Variants in SULF2 observed in about 807,000 individuals in gnomAD.
SULF2 encodes the protein extracellular sulfatase Sulf-2.
Under a neutral mutation model 107.7 loss-of-function variants are expected in SULF2, and 52 were observed. That is an observed-to-expected ratio of 0.48 (90% CI 0.39 to 0.61). The LOEUF is 0.61. Ranked by LOEUF, SULF2 falls within the 20% of genes least tolerant of loss-of-function variation. The pLI, the probability that SULF2 is intolerant of heterozygous loss-of-function variation, is 0.00. For synonymous variants in SULF2, 460 were observed against 464.3 expected, an observed-to-expected ratio of 0.99 and a Z score of 0.12; for missense variants, 993 against 1,177.3, an observed-to-expected ratio of 0.84 and a Z score of 2.29.
intron 2 of SULF2, among the ~76,000 whole-genome samples, chr20:47,755,723 C>T (rs749171486): frequency 1.1e-4 from 17 of 152,254 alleles, no homozygotes; most frequent in Middle Eastern, 3.4e-3. Context: ...GCTGGGGGAT[C>T]CTGTTAGAAC....
chr20:47,723,094 ATTAGCTGAGTGTAGTGGTGGGTGCCT>A (rs770068837), intron 3 of SULF2, among the ~76,000 whole-genome samples: 42 of 151,958 alleles, frequency 2.8e-4, no homozygotes, highest in Admixed American at 1.2e-3. Context: ...AAAAACGAAA[ATTAGCTGAGTGTAGTGGTGGGTGCCT>A]GTAGTTCCAG....
chr20:47,702,903 C>T (rs1450952172), intron 3 of SULF2, among the ~76,000 whole-genome samples: 3 of 152,134 alleles, frequency 2.0e-5, no homozygotes, highest in East Asian at 1.9e-4. Context: ...AACACATTTG[C>T]GATACAGTGT....
chr20:47,779,841 A>G (rs1431418697), intron 1 of SULF2, among the ~76,000 whole-genome samples: 1 of 151,520 alleles, frequency 6.6e-6, no homozygotes, highest in Non-Finnish European at 1.5e-5. Flanking sequence ...TCCTGACCTC[A>G]GGTGATCCAC....
At chr20:47,722,280 TTTGAG>T (rs2089316837) in intron 3 of SULF2, among the ~76,000 whole-genome samples, 1 of 152,148 alleles carries the variant, frequency 6.6e-6, no homozygotes, top group African/African-American at 2.4e-5. Context: ...TTTTTATTCG[TTTGAG>T]TTGAGGTTTC....
chr20:47,775,975 C>G (rs114827874), intron 1 of SULF2, among the ~76,000 whole-genome samples: 1 of 152,130 alleles, frequency 6.6e-6, no homozygotes, highest in Non-Finnish European at 1.5e-5. Flanking sequence ...CAAATGCCTA[C>G]GTGGGCCAGG....
rs370150338 is a variant in SULF2, at chr20:47,684,578, C to T, written c.741G>A (p.Thr247=). 1.9e-5 allele frequency: 30 copies of T among 1,613,378 alleles called. No homozygotes were observed. Among genetic ancestry groups the T allele is most frequent in the East Asian group, 1.8e-4 (8 of 44,834 alleles). Reference sequence around the variant, plus strand: ...GGTTGGGCGCGTAGTTGTAGCTCGGCGTGCTGGTGGGCAAGGACATACACA... The same window carrying T: ...GGTTGGGCGCGTAGTTGTAGCTCGGTGTGCTGGTGGGCAAGGACATACACA... ...RLFPNASQHI[T]PSYNYAPNPD... The change falls in exon 6 of 21, where the codon ACG becomes ACA. Residue 247 remains threonine (T), a synonymous_variant. Transcript: ENST00000688720.
intron 3 of SULF2, among the ~76,000 whole-genome samples, chr20:47,708,160 A>G (rs1255397241): frequency 6.6e-6 from 1 of 152,188 alleles, no homozygotes; most frequent in Non-Finnish European, 1.5e-5. Context: ...TTGATGTTCT[A>G]GTGGGGAATG....
intron 3 of SULF2, among the ~76,000 whole-genome samples, chr20:47,712,082 C>G (rs987167406): frequency 1.7e-4 from 26 of 152,232 alleles, no homozygotes; most frequent in African/African-American, 6.3e-4. Flanking sequence ...ATATAAAATC[C>G]CAAAAAAGAC....
chr20:47,755,316 G>A (rs901855264), intron 2 of SULF2, among the ~76,000 whole-genome samples: 1 of 152,152 alleles, frequency 6.6e-6, no homozygotes, highest in Non-Finnish European at 1.5e-5. Flanking sequence ...ATCTGCATAC[G>A]CTGTTGGTTT....
chr20:47,736,833 G>A lies in SULF2; in HGVS notation c.285C>T (p.Ile95=). Residue 95 remains isoleucine (I), a synonymous_variant, in exon 3 of 21, where the codon ATC becomes ATT. Transcript: ENST00000688720. ...GGTTGTGGACGTACTTGCCAGTGAG[G>A]ATGGAGGAGCGTGAGGGGCAGCACA... The part of the protein sequence containing the change: ...TPMCCPSRSS[I]LTGKYVHNHN... 1 of 1,614,208 alleles carries A rather than the reference G, an allele frequency of 6.2e-7. No individual in the cohort carries two copies. Among genetic ancestry groups the A allele is most frequent in the Non-Finnish European group, 8.5e-7 (1 of 1,180,012 alleles).
At chr20:47,675,239 T>G (rs1010523811) in intron 10 of SULF2, among the ~76,000 whole-genome samples, 2 of 152,140 alleles carry the variant, frequency 1.3e-5, no homozygotes, top group Non-Finnish European at 2.9e-5. Flanking sequence ...TTCTGGGATC[T>G]CGGTACAAAG....
chr20:47,711,090 G>T (rs114494524), intron 3 of SULF2, among the ~76,000 whole-genome samples: 1 of 152,208 alleles, frequency 6.6e-6, no homozygotes, highest in African/African-American at 2.4e-5. Flanking sequence ...ACGGACAATG[G>T]GGGAGACAGA....
Position 47,666,540 on chromosome 20 carries a change from G to T in SULF2, c.1577-52C>A. On this transcript the variant is annotated intron_variant, in intron 11 of 20. Coordinates refer to ENST00000688720, the MANE Select transcript of SULF2 (RefSeq NM_001387048.1). The surrounding 1 kb of genome is among the most constrained non-coding windows in gnomAD (Gnocchi z 5.4). ...TTAGGGAGGCAGGAAAGGCTGGCCA[G>T]GCTCCCAGGGCAGTGGGTCCTTCAT... 1.4e-6 allele frequency: 2 copies of T among 1,462,548 alleles called. No homozygotes were observed. Among genetic ancestry groups the T allele is most frequent in the South Asian group, 2.4e-5 (2 of 84,556 alleles). 90.6% of individuals were successfully genotyped at this position (1,462,548 alleles called of 1,614,324 possible).
intron 1 of SULF2, among the ~76,000 whole-genome samples, chr20:47,770,888 G>A (rs2146966560): frequency 6.6e-6 from 1 of 152,284 alleles, no homozygotes; most frequent in African/African-American, 2.4e-5. Context: ...AGTGATCCAG[G>A]GGGAGCTGGC....
chr20:47,670,250 T>C lies in SULF2; in HGVS notation c.1576+1948A>G, dbSNP rs2087418413. ...CTCTGTCACCCAGGCTGGAGTGAAG[T>C]GGCATGATCTCAGTTCACTGCAACC... On this transcript the variant is annotated intron_variant, in intron 11 of 20. Coordinates refer to ENST00000688720, the MANE Select transcript of SULF2 (RefSeq NM_001387048.1). Among the ~76,000 whole-genome samples the C allele has an allele frequency of 2.0e-5, 3 of 152,178 alleles. No individual in the cohort carries two copies. In the South Asian group the frequency reaches 6.2e-4, roughly 32 times the overall value.
At chr20:47,731,551 C>T (rs1211561307) in intron 3 of SULF2, among the ~76,000 whole-genome samples, 3 of 151,984 alleles carry the variant, frequency 2.0e-5, no homozygotes, top group Non-Finnish European at 2.9e-5. Flanking sequence ...GGTTCCTGTC[C>T]GTTGGATCTA....
intron 3 of SULF2, among the ~76,000 whole-genome samples, chr20:47,724,391 G>A (rs2089380430): frequency 6.6e-6 from 1 of 152,218 alleles, no homozygotes; most frequent in South Asian, 2.1e-4. Flanking sequence ...TGGCTATTGA[G>A]GAAGACTGGG....
At chr20:47,759,938 G>A (rs2090381983) in intron 1 of SULF2, among the ~76,000 whole-genome samples, 1 of 152,250 alleles carries the variant, frequency 6.6e-6, no homozygotes, top group Admixed American at 6.5e-5. Context: ...GACAGAGACA[G>A]GCTTATGTTA....
At chr20:47,757,085 G>C (rs984426356) in intron 2 of SULF2, 104 bp downstream of exon 2, 55 of 1,088,058 alleles carry the variant, frequency 5.1e-5, no homozygotes, top group Middle Eastern at 3.1e-4. Context: ...ACTCAAAAGT[G>C]AGCACGACGC....
Sources: allele counts gnomAD v4.1 joint callset (sites outside exome capture counted in the v4.1 genomes callset), GRCh38; gene constraint gnomAD v4.1.1; non-coding constraint Gnocchi (gnomAD v3.1); transcripts MANE v1.5; gene names NCBI Gene and HGNC (gene_info 2026-07-23, HGNC 2026-07-21).